The following CEP131 variants were observed in gnomAD, a reference collection of about 807,000 sequenced individuals.
CEP131 encodes the protein centrosomal protein of 131 kDa.
Under a neutral mutation model 136.8 loss-of-function variants are expected in CEP131, and 99 were observed. The observed-to-expected ratio is 0.72, with a 90% CI of 0.62 to 0.86. The LOEUF (loss-of-function observed/expected upper bound fraction) is 0.86, where lower values mean the gene tolerates loss of function less well. Among genes scored for constraint, CEP131 ranks in the 40% least tolerant of loss-of-function variants. CEP131 has a pLI of 0.00. For missense variants in CEP131, 1,459 were observed against 1,463.0 expected, an observed-to-expected ratio of 1.00 and a Z score of 0.04; for synonymous variants, 646 against 612.7, an observed-to-expected ratio of 1.05 and a Z score of -0.80.
chr17:81,191,057 C>G lies in CEP131; in HGVS notation c.2793G>C (p.Glu931Asp). 2 of 1,608,276 alleles carry G rather than the reference C, an allele frequency of 1.2e-6. No homozygotes were observed. Among genetic ancestry groups the G allele is most frequent in the Non-Finnish European group, 1.7e-6 (2 of 1,177,572 alleles). Residue 931 changes from glutamate (E) to aspartate (D), a missense_variant, in exon 23 of 26, where the codon GAG (glutamate) becomes GAC (aspartate). Around this residue, in one of 3 missense-constraint regions of CEP131, gnomAD observed 1,026 missense variants for 964.2 expected, o/e 1.06. Coordinates refer to ENST00000450824, the MANE Select transcript of CEP131 (RefSeq NM_014984.4). ...ACTGCTCCAGCTCGGAGAGCTCGGC[C>G]TCGTACTTGTCCCGTAAGCGCTTGA... Reference protein sequence around the residue: ...SRIKRLRDKYEAELSELEQSE... With the variant: ...SRIKRLRDKYDAELSELEQSE...
chr17:81,211,549 C>T (rs535901262), intron 2 of CEP131, among the ~76,000 whole-genome samples: 1 of 152,342 alleles, frequency 6.6e-6, no homozygotes, highest in East Asian at 1.9e-4. Flanking sequence ...GCAGGGACTG[C>T]AAGCCCTCCA....
chr17:81,194,923 C>T lies in CEP131; in HGVS notation c.2066G>A (p.Arg689Gln), dbSNP rs140382436. Residue 689 changes from arginine (R) to glutamine (Q), a missense_variant, in exon 17 of 26, where the codon CGG (arginine) becomes CAG (glutamine). Arg to Gln is a conservative substitution (Grantham distance 43). Around this residue, in one of 3 missense-constraint regions of CEP131, gnomAD observed 1,026 missense variants for 964.2 expected, o/e 1.06. Transcript: ENST00000450824. ...ELMSATEKAR[R>Q]EKWISEKTKK... ...GGTTTTCTCACTGATCCACTTCTCCCGGCGGGCTTTCTCGGTGGCGCTCAT... is the reference window on the plus strand; with the variant it reads ...GGTTTTCTCACTGATCCACTTCTCCTGGCGGGCTTTCTCGGTGGCGCTCAT... The T allele has an allele frequency of 2.7e-5, 44 of 1,613,406 alleles. No individual in the cohort carries two copies. The highest frequency in any genetic ancestry group is 2.5e-4 in the South Asian group (23 of 91,082).
chr17:81,192,178 C>A (rs117905054), intron 21 of CEP131, 140 bp downstream of exon 21: 4 of 748,048 alleles, frequency 5.3e-6, no homozygotes, highest in Non-Finnish European at 8.7e-6. Context: ...AGACAACAAC[C>A]CCAAGCAGCC....
intron 17 of CEP131, 118 bp downstream of exon 17, chr17:81,194,752 C>T (rs934107854): frequency 2.8e-5 from 25 of 897,858 alleles, no homozygotes; most frequent in Non-Finnish European, 4.5e-5. Flanking sequence ...TGAGTGTTCA[C>T]CTCTGCCCAG....
In CEP131 at chr17:81,191,411, TG is replaced by T. The variant is rs1398548459; in HGVS notation, c.2623-77del. ...GGCCAGGGCCAGCCTCAGGGGGTCC[TG>T]GGGGGCTCCAGGCTCTGAGCCACAG... On this transcript the variant is annotated intron_variant, in intron 21 of 25. Coordinates refer to ENST00000450824, the MANE Select transcript of CEP131 (RefSeq NM_014984.4). The T allele has an allele frequency of 3.0e-5, 44 of 1,446,434 alleles. 1 individual carries two copies. The highest frequency in any genetic ancestry group is 1.7e-4 in the Middle Eastern group (1 of 5,720). 89.6% of individuals were successfully genotyped at this position (1,446,434 alleles called of 1,614,324 possible). A position where few individuals can be genotyped will look rare whatever the true frequency, so the allele number is the denominator to read the frequency against.
intron 8 of CEP131, 198 bp downstream of exon 8, chr17:81,200,131 C>G: frequency 1.6e-6 from 1 of 613,646 alleles, no homozygotes; most frequent in East Asian, 2.8e-5. Context: ...TTTCCTGACA[C>G]CCAGGCCCTG....
Position 81,203,747 on chromosome 17 carries a change from T to G in CEP131, c.516-140A>C, listed in dbSNP as rs564209637. On this transcript the variant is annotated intron_variant, in intron 5 of 25. Transcript: ENST00000450824. The surrounding 1 kb of genome is among the most constrained non-coding windows in gnomAD (Gnocchi z 4.6). ...ACGTGCTGGCAGCATTGTCGTCCAG[T>G]GTCCCCAGGCCCCTTCCACAGCCTG... 6.8e-5 allele frequency: 45 copies of G among 658,184 alleles called. No individual in the cohort carries two copies. The allele number at this position is 658,184 out of a possible 1,614,324, so 40.8% of individuals were successfully genotyped here. A position where few individuals can be genotyped will look rare whatever the true frequency, so the allele number is the denominator to read the frequency against.
intron 19 of CEP131, 54 bp from the exon 20 acceptor site, chr17:81,192,647 A>ATGGGAGAGGTCAGC: frequency 1.5e-5 from 12 of 816,888 alleles, no homozygotes; most frequent in Non-Finnish European, 2.1e-5. Flanking sequence ...GGAGTCAGGG[A>ATGGGAGAGGTCAGC]TGGGAGAGGT....
chr17:81,191,405 G>C, intron 21 of CEP131, 70 bp from the exon 22 acceptor site: 1 of 1,449,382 alleles, frequency 6.9e-7, no homozygotes, highest in Non-Finnish European at 9.6e-7. Context: ...CAGCCTCAGG[G>C]GGTCCTGGGG....
chr17:81,191,240 G>A lies in CEP131; in HGVS notation c.2718C>T (p.Ala906=), dbSNP rs201949835. 154 of 1,613,052 alleles carry A rather than the reference G, an allele frequency of 9.5e-5. No individual in the cohort carries two copies. The highest frequency in any genetic ancestry group is 4.3e-4 in the Admixed American group (26 of 60,008). ...TCTCCTCCTTGGCCAGCGCCATGTC[G>A]GCCTCCAGCCGGTGAATGACCAGCT... ...EIELVIHRLE[A]DMALAKEESE... Residue 906 remains alanine (A), a synonymous_variant, in exon 22 of 26, where the codon GCC becomes GCT. Coordinates refer to ENST00000450824, the MANE Select transcript of CEP131 (RefSeq NM_014984.4).
intron 7 of CEP131, 27 bp downstream of exon 7, chr17:81,202,213 C>T (rs201367106): frequency 1.3e-6 from 2 of 1,542,824 alleles, no homozygotes; most frequent in East Asian, 2.4e-5. Flanking sequence ...GGCTCAGGCC[C>T]CCCCCCACCG....
intron 15 of CEP131, 121 bp from the exon 16 acceptor site, chr17:81,196,072 C>T: frequency 1.3e-6 from 1 of 777,724 alleles, no homozygotes; most frequent in African/African-American, 1.7e-5. Flanking sequence ...GGGGCTGCCC[C>T]TCCTAGGTTT....
In CEP131 at chr17:81,192,398, G is replaced by A. The variant is rs1390065111; in HGVS notation, c.2548-6C>T. 12 of 1,609,660 alleles carry A rather than the reference G, an allele frequency of 7.5e-6. No homozygotes were observed. The highest frequency in any genetic ancestry group is 1.3e-5 in the African/African-American group (1 of 74,846). On this transcript the variant is annotated splice_polypyrimidine_tract_variant and splice_region_variant and intron_variant, in intron 20 of 25. Transcript: ENST00000450824. ...TTCAGGGTATTCAGCTCCATCTGGG[G>A]GGCGGACATAAGAGGCCAGTCAGTC...
chr17:81,196,489 C>T (rs890476037), intron 15 of CEP131, among the ~76,000 whole-genome samples: 1 of 152,254 alleles, frequency 6.6e-6, no homozygotes. Flanking sequence ...CCACTACACT[C>T]ACACGGGGCG....
rs894169050 is a variant in CEP131, at chr17:81,208,567, G to T, written c.272+361C>A. ...TGGGAACAGGGGCGCACAGCGTGGG[G>T]GTTCAGAAGGGTCACAGTGCTGCCC... On this transcript the variant is annotated intron_variant, in intron 3 of 25. Coordinates refer to ENST00000450824, the MANE Select transcript of CEP131 (RefSeq NM_014984.4). The surrounding 1 kb of genome is among the most constrained non-coding windows in gnomAD (Gnocchi z 5.6). Among the ~76,000 whole-genome samples the T allele has an allele frequency of 6.6e-6, 1 of 152,242 alleles. No individual in the cohort carries two copies. Among genetic ancestry groups the T allele is most frequent in the Non-Finnish European group, 1.5e-5 (1 of 68,038 alleles).
Position 81,190,758 on chromosome 17 carries a change from C to T in CEP131, c.2988G>A (p.Val996=). The T allele has an allele frequency of 6.2e-7, 1 of 1,612,094 alleles. No homozygotes were observed. Among genetic ancestry groups the T allele is most frequent in the Non-Finnish European group, 8.5e-7 (1 of 1,179,614 alleles). The change falls in exon 24 of 26, where the codon GTG becomes GTA. Residue 996 remains valine (V), a synonymous_variant. Transcript: ENST00000450824. The stretch of plus-strand genomic sequence containing the variant: ...GCCGGTCCTCGAACTCCTGGCGGAT[C>T]ACCTGGGCCAGGTTGCTGCGCTCGC... The part of the protein sequence containing the change: ...LSSERSNLAQ[V]IRQEFEDRLA...
intron 10 of CEP131, 131 bp downstream of exon 10, chr17:81,199,250 C>T: frequency 6.0e-6 from 7 of 1,159,512 alleles, no homozygotes; most frequent in Non-Finnish European, 7.1e-6. Flanking sequence ...GCCAAGGCCC[C>T]TAACTCCGAG....
In CEP131 at chr17:81,191,185, G is replaced by C. The variant is rs1365266804; in HGVS notation, c.2765+8C>G. On this transcript the variant is annotated splice_region_variant and intron_variant, in intron 22 of 25. Transcript: ENST00000450824. ...CCAGCTGGTGACCCAGCCATGGCGG[G>C]TCCTTACCGGCTCTCGGCAGCCTTC... The C allele has an allele frequency of 6.2e-7, 1 of 1,610,108 alleles. No homozygotes were observed. Among genetic ancestry groups the C allele is most frequent in the Admixed American group, 1.7e-5 (1 of 59,964 alleles).
At chr17:81,211,244 G>A (rs2062126360) in intron 2 of CEP131, among the ~76,000 whole-genome samples, 1 of 152,206 alleles carries the variant, frequency 6.6e-6, no homozygotes, top group Non-Finnish European at 1.5e-5. Context: ...GTGCTCCCAG[G>A]GCCCCAAACT....
Sources: gnomAD v4.1 joint callset for allele counts (sites outside exome capture counted in the v4.1 genomes callset) on GRCh38, gnomAD v4.1.1 for gene constraint, gnomAD v4.1.1 regional missense constraint, Gnocchi (gnomAD v3.1) non-coding constraint, MANE v1.5 for transcripts, NCBI Gene and HGNC (gene_info 2026-07-23, HGNC 2026-07-21) for gene names.